The following SHC3 variants were observed in gnomAD, a reference collection of about 807,000 sequenced individuals.
SHC3 encodes SHC adaptor protein 3.
A neutral mutation model predicts 60.4 loss-of-function variants in SHC3; 15 were observed. The ratio of observed to expected loss-of-function variants is 0.25; its 90% confidence interval spans 0.17 to 0.38. The LOEUF (loss-of-function observed/expected upper bound fraction) is 0.38. Among genes scored for constraint, SHC3 ranks in the 10% least tolerant of loss-of-function variants. The probability of loss-of-function intolerance (pLI) is 1.00; values close to 1 mark genes in which losing one functional copy is unlikely to be tolerated. For missense variants in SHC3, 677 were observed against 786.1 expected (o/e 0.86, Z 1.66); for synonymous variants, 294 against 325.9 (o/e 0.90, Z 1.05).
In SHC3 at chr9:89,038,224, C is replaced by T. The variant is rs760133164; in HGVS notation, c.1425G>A (p.Val475=). Residue 475 remains valine, a synonymous_variant, in exon 11 of 12, where the codon GTG becomes GTA. Coordinates refer to ENST00000375835, the MANE Select transcript of SHC3 (RefSeq NM_016848.6). Reference sequence around the variant, plus strand: ...TAGGTGACACAGGGCTGATGCACTCCACGGAGGCTGCCTTGCTTAACACGG... The same window carrying T: ...TAGGTGACACAGGGCTGATGCACTCTACGGAGGCTGCCTTGCTTAACACGG... The part of the protein sequence containing the change: ...LGPVLSKAAS[V]ECISPVSPRA... 9.3e-6 allele frequency: 15 copies of T among 1,614,018 alleles called. No homozygotes were observed. The South Asian group carries it at 1.6e-4, about 18-fold the overall frequency.
Position 89,006,118 on chromosome 9 carries a change from T to C in SHC3, c.*7329A>G, listed in dbSNP as rs1314876922. ...ACCAATTATAACAAGAAGTGCAGCATTACCTAAATTGGGTGTGTCATCTTC... is the reference window on the plus strand; with the variant it reads ...ACCAATTATAACAAGAAGTGCAGCACTACCTAAATTGGGTGTGTCATCTTC... On this transcript the variant is annotated 3_prime_UTR_variant, in exon 12 of 12. Coordinates refer to ENST00000375835, the MANE Select transcript of SHC3 (RefSeq NM_016848.6). 6.6e-6 allele frequency: 1 copy of C among 152,214 alleles called. No homozygotes were observed. The highest frequency in any genetic ancestry group is 1.5e-5 in the Non-Finnish European group (1 of 68,034). 9.4% of individuals were successfully genotyped at this position (152,214 alleles called of 1,614,324 possible). A position where few individuals can be genotyped will look rare whatever the true frequency, so the allele number is the denominator to read the frequency against.
At position 89,134,898 on chromosome 9, in the gene SHC3, T is replaced by C. The variant is rs537078558; in HGVS notation, c.475-22272A>G. Among the ~76,000 whole-genome samples, 21 of 152,266 alleles carry C rather than the reference T, an allele frequency of 1.4e-4. No individual in the cohort carries two copies. In the East Asian group the frequency reaches 3.7e-3, roughly 27 times the overall value. On this transcript the variant is annotated intron_variant, in intron 1 of 11. Coordinates refer to ENST00000375835, the MANE Select transcript of SHC3 (RefSeq NM_016848.6). ...TAATCTTTCTGACTTTTGCTTAAAA[T>C]GTAGCTGATCTTTTGTTTTGTTTTC...
At chr9:89,092,762 ATG>A (rs776822452) in intron 2 of SHC3, among the ~76,000 whole-genome samples, 27 of 136,604 alleles carry the variant, frequency 2.0e-4, no homozygotes, top group African/African-American at 5.7e-4. Flanking sequence ...GTGTGTGTGT[ATG>A]TGTGTGTGTG....
At chr9:89,061,958 C>A (rs1298416597) in intron 6 of SHC3, among the ~76,000 whole-genome samples, 7 of 152,102 alleles carry the variant, frequency 4.6e-5, no homozygotes, top group Admixed American at 4.6e-4. Flanking sequence ...TGGAATATAC[C>A]CCCACAGATA....
chr9:89,112,115 C>A (rs922904066), intron 2 of SHC3, among the ~76,000 whole-genome samples: 3 of 152,182 alleles, frequency 2.0e-5, no homozygotes, highest in African/African-American at 4.8e-5. Context: ...TGCTGAATGA[C>A]CTACTCCCAT....
chr9:89,125,105 C>T (rs937078891), intron 1 of SHC3, among the ~76,000 whole-genome samples: 1 of 152,138 alleles, frequency 6.6e-6, no homozygotes, highest in Non-Finnish European at 1.5e-5. Context: ...GAACAACTTA[C>T]ATGGGAGCTG....
intron 1 of SHC3, among the ~76,000 whole-genome samples, chr9:89,143,711 T>C (rs1230816016): frequency 6.6e-6 from 1 of 152,140 alleles, no homozygotes; most frequent in Admixed American, 6.6e-5. Flanking sequence ...AGAGATGGCT[T>C]TTAGGGCTGA....
chr9:89,130,880 T>TAGCAGA (rs1826234331), intron 1 of SHC3, among the ~76,000 whole-genome samples: 1 of 152,026 alleles, frequency 6.6e-6, no homozygotes, highest in Non-Finnish European at 1.5e-5. Context: ...ATTCAAAAGC[T>TAGCAGA]AGCAGAAGGC....
chr9:89,064,642 G>A (rs1226402433), intron 6 of SHC3, among the ~76,000 whole-genome samples: 1 of 152,104 alleles, frequency 6.6e-6, no homozygotes, highest in Non-Finnish European at 1.5e-5. Flanking sequence ...CCCAGGCAGT[G>A]GCGTGGGGGA....
chr9:89,038,514 T>C (rs999745160), intron 10 of SHC3, among the ~76,000 whole-genome samples: 7 of 152,252 alleles, frequency 4.6e-5, no homozygotes, highest in Non-Finnish European at 8.8e-5. Context: ...TTCTGATGAG[T>C]CTGCTTTCCC....
intron 1 of SHC3, among the ~76,000 whole-genome samples, chr9:89,161,629 A>T (rs1826708231): frequency 6.6e-6 from 1 of 152,082 alleles, no homozygotes; most frequent in Admixed American, 6.5e-5. Context: ...ACCCACAGCC[A>T]ATATCATACT....
chr9:89,119,868 C>T (rs940622500), intron 1 of SHC3, among the ~76,000 whole-genome samples: 3 of 152,168 alleles, frequency 2.0e-5, no homozygotes, highest in Non-Finnish European at 4.4e-5. Context: ...AATGTGGGAA[C>T]AGGCGAGTCA....
intron 11 of SHC3, among the ~76,000 whole-genome samples, chr9:89,035,865 GTGTGTGT>G (rs1824570384): frequency 9.7e-6 from 1 of 103,564 alleles, no homozygotes; most frequent in Admixed American, 1.1e-4. Flanking sequence ...GTGTGTGTGT[GTGTGTGT>G]GTGTGTGTGT....
chr9:89,110,935 G>C (rs1377196083), intron 2 of SHC3, among the ~76,000 whole-genome samples: 1 of 152,094 alleles, frequency 6.6e-6, no homozygotes, highest in African/African-American at 2.4e-5. Flanking sequence ...ACCACAGAGA[G>C]TCCCAGGAGT....
rs541281020 is a variant in SHC3, at chr9:89,073,060, G to T, written c.730-1808C>A. 3.3e-5 allele frequency among the ~76,000 whole-genome samples: 5 copies of T among 152,218 alleles called. No individual in the cohort carries two copies. The East Asian group carries it at 9.7e-4, about 29-fold the overall frequency. On this transcript the variant is annotated intron_variant, in intron 4 of 11. Transcript: ENST00000375835. ...AAACAGTGGTCTTTGCAGCTCTCTGGAATCTTCCCTCTGGCGCAAAGGTAG... is the reference window on the plus strand; with the variant it reads ...AAACAGTGGTCTTTGCAGCTCTCTGTAATCTTCCCTCTGGCGCAAAGGTAG...
Position 89,045,827 on chromosome 9 carries a change from C to T in SHC3, c.1120G>A (p.Gly374Arg), listed in dbSNP as rs1426453344. The T allele has an allele frequency of 6.2e-7, 1 of 1,614,004 alleles. No homozygotes were observed. Among genetic ancestry groups the T allele is most frequent in the Non-Finnish European group, 8.5e-7 (1 of 1,179,932 alleles). Residue 374 changes from glycine to arginine, a missense_variant, in exon 9 of 12, where the codon GGA becomes AGA. Physicochemically the swap from Gly to Arg is moderately radical, Grantham distance 125. Coordinates refer to ENST00000375835, the MANE Select transcript of SHC3 (RefSeq NM_016848.6). ...PHAPDTAQFA[G>R]KEQTYYQGRH... ...CCCTGGTAATAAGTCTGCTCTTTTC[C>T]TGCAAACTATAGACACATGTAAATA...
intron 2 of SHC3, among the ~76,000 whole-genome samples, chr9:89,087,479 G>A (rs1825550151): frequency 6.6e-6 from 1 of 152,180 alleles, no homozygotes; most frequent in South Asian, 2.1e-4. Context: ...TGGGGTGCCT[G>A]CAGGGGGACG....
At position 89,077,887 on chromosome 9, in the gene SHC3, C is replaced by T. The variant is rs539726812; in HGVS notation, c.562G>A (p.Val188Ile). ...TTCGCACCAGGCACAGCTTCACAGA[C>T]GCGGCTGATGGCTTCCCTTAGGACA... is the stretch of plus-strand genomic sequence containing the variant. Reference protein sequence around the residue: ...TQITREAISRVCEAVPGAKGA... With the variant: ...TQITREAISRICEAVPGAKGA... The change falls in exon 3 of 12, where the codon GTC becomes ATC. Residue 188 changes from valine (V) to isoleucine (I), a missense_variant. Transcript: ENST00000375835. 46 of 1,614,202 alleles carry T rather than the reference C, an allele frequency of 2.8e-5. No individual in the cohort carries two copies. Among genetic ancestry groups the T allele is most frequent in the Non-Finnish European group, 3.6e-5 (42 of 1,180,036 alleles).
At chr9:89,029,609 A>G (rs372863352) in intron 11 of SHC3, among the ~76,000 whole-genome samples, 18 of 152,184 alleles carry the variant, frequency 1.2e-4, no homozygotes, top group African/African-American at 4.1e-4. Flanking sequence ...GAGTCCAATG[A>G]AAATATGTCC....
Sources: gnomAD v4.1 joint callset for allele counts (sites outside exome capture counted in the v4.1 genomes callset) on GRCh38, gnomAD v4.1.1 for gene constraint, MANE v1.5 for transcripts, NCBI Gene and HGNC (gene_info 2026-07-23, HGNC 2026-07-21) for gene names.